The following UNC13C variants were observed in gnomAD, a reference collection of about 807,000 sequenced individuals.
The protein encoded by UNC13C is protein unc-13 homolog C.
UNC13C carries 174 observed loss-of-function variants against 245.4 expected under a neutral mutation model. That is an observed-to-expected ratio of 0.71 (90% CI 0.63 to 0.80). The LOEUF is 0.80. Ranked by LOEUF, UNC13C falls within the 30% of genes least tolerant of loss-of-function variation. The probability of loss-of-function intolerance (pLI) is 0.00; values close to 1 mark genes in which losing one functional copy is unlikely to be tolerated. For missense variants in UNC13C, 2,829 were observed against 2,602.9 expected (o/e 1.09, Z -1.89); for synonymous variants, 992 against 895.1 (o/e 1.11, Z -1.93).
rs143276415 is a variant in UNC13C at position 54,609,811 on chromosome 15, T to C, written c.6107-12516T>C. Among the ~76,000 whole-genome samples the C allele has an allele frequency of 5.9e-5, 9 of 152,316 alleles. 1 individual carries two copies. In the East Asian group the frequency reaches 1.7e-3, roughly 29 times the overall value. ...GAAAAAAGGTTTAATTGACTTACAGTTCAGCATGGCTGGGGAGGCCTCAGG... is the reference window on the plus strand; with the variant it reads ...GAAAAAAGGTTTAATTGACTTACAGCTCAGCATGGCTGGGGAGGCCTCAGG... On this transcript the variant is annotated intron_variant, in intron 30 of 32. Transcript: ENST00000260323.
At chr15:53,960,195 C>G in the UNC13C span, among the ~76,000 whole-genome samples, 1 of 152,076 alleles carries the variant, frequency 6.6e-6, no homozygotes, top group South Asian at 2.1e-4. Flanking sequence ...GCTATTGTCA[C>G]CACAGGCAAT....
intron 20 of UNC13C, 78 bp from the exon 21 acceptor site, chr15:54,500,001 T>A (rs1894127736): frequency 9.2e-7 from 1 of 1,089,058 alleles, no homozygotes; most frequent in Non-Finnish European, 1.3e-6. Context: ...TACTCTCATA[T>A]GCAAAAAGAG....
intron 5 of UNC13C, 89 bp from the exon 6 acceptor site, chr15:54,236,340 TA>T: frequency 1.0e-6 from 1 of 987,702 alleles, no homozygotes; most frequent in Non-Finnish European, 1.6e-6. Context: ...TGTAAAGTGT[TA>T]GGCTAATTTA....
At chr15:54,601,946 G>C (rs1408890517) in intron 30 of UNC13C, among the ~76,000 whole-genome samples, 1 of 152,166 alleles carries the variant, frequency 6.6e-6, no homozygotes, top group Non-Finnish European at 1.5e-5. Flanking sequence ...TGCCCCATCT[G>C]AGAACAATGG....
upstream of UNC13C, among the ~76,000 whole-genome samples, chr15:53,976,477 C>CTTT (rs10682648): frequency 1.4e-3 from 88 of 62,772 alleles, 2 homozygotes; most frequent in East Asian, 0.02. Context: ...CTCTCTCTCT[C>CTTT]TTTTTTTTTT....
downstream of UNC13C, chr15:54,629,858 A>C (rs1321202764): frequency 6.6e-6 from 1 of 152,210 alleles, no homozygotes; most frequent in Non-Finnish European, 1.5e-5. Flanking sequence ...TATATATCAA[A>C]GCCTAATAGT....
intron 4 of UNC13C, among the ~76,000 whole-genome samples, chr15:54,174,314 A>G (rs557926125): frequency 5.9e-5 from 9 of 152,310 alleles, no homozygotes; most frequent in African/African-American, 2.2e-4. Context: ...GCAAAACAAA[A>G]ATAGTTTTCT....
At chr15:54,262,940 T>C (rs1186769826) in intron 8 of UNC13C, among the ~76,000 whole-genome samples, 2 of 152,192 alleles carry the variant, frequency 1.3e-5, no homozygotes. Flanking sequence ...TCATCTCTTG[T>C]CTTACTTTCT....
chr15:53,970,649 G>A, the UNC13C span, among the ~76,000 whole-genome samples: 1 of 152,058 alleles, frequency 6.6e-6, no homozygotes, highest in Admixed American at 6.5e-5. Flanking sequence ...TGGACACATG[G>A]GGGGAAACAA....
chr15:54,006,833 G>A (rs548878464), intron 1 of UNC13C, among the ~76,000 whole-genome samples: 2 of 152,216 alleles, frequency 1.3e-5, no homozygotes, highest in East Asian at 3.9e-4. Context: ...AGCTACTCTG[G>A]TTTTCTTCTT....
intron 17 of UNC13C, among the ~76,000 whole-genome samples, chr15:54,363,431 G>A (rs1056830726): frequency 6.6e-6 from 1 of 152,132 alleles, no homozygotes; most frequent in Admixed American, 6.5e-5. Flanking sequence ...TTTTTATCGA[G>A]GTGAATATGT....
intron 24 of UNC13C, among the ~76,000 whole-genome samples, chr15:54,517,742 G>C (rs1895042981): frequency 6.6e-6 from 1 of 152,122 alleles, no homozygotes. Flanking sequence ...TAATTACTAA[G>C]ATGCAGACCC....
chr15:54,189,130 G>A (rs1298041022), intron 4 of UNC13C, among the ~76,000 whole-genome samples: 1 of 152,112 alleles, frequency 6.6e-6, no homozygotes, highest in Non-Finnish European at 1.5e-5. Context: ...CCTATTATGA[G>A]TACTAGACAT....
chr15:54,048,048 G>T (rs182648365), intron 2 of UNC13C, among the ~76,000 whole-genome samples: 2 of 152,068 alleles, frequency 1.3e-5, no homozygotes, highest in South Asian at 4.1e-4. Flanking sequence ...GTACTTTTAC[G>T]TTAAATACAC....
intron 10 of UNC13C, among the ~76,000 whole-genome samples, chr15:54,276,472 C>T (rs999381405): frequency 1.3e-5 from 2 of 152,090 alleles, no homozygotes; most frequent in African/African-American, 4.8e-5. Flanking sequence ...ATCCTGACCA[C>T]CACCATCCTT....
chr15:54,079,623 G>A (rs980264742), intron 2 of UNC13C, among the ~76,000 whole-genome samples: 24 of 151,944 alleles, frequency 1.6e-4, no homozygotes, highest in African/African-American at 5.1e-4. Flanking sequence ...GAGCACTATT[G>A]GTGTATGAAA....
chr15:53,841,774 G>A, the UNC13C span, among the ~76,000 whole-genome samples: 3 of 152,248 alleles, frequency 2.0e-5, no homozygotes, highest in South Asian at 6.2e-4. Context: ...TGCACTACTT[G>A]CCAGAGAAAG....
chr15:54,008,935 T>A (rs914923483), intron 1 of UNC13C, among the ~76,000 whole-genome samples: 2 of 152,234 alleles, frequency 1.3e-5, no homozygotes, highest in Admixed American at 1.3e-4. Context: ...ATGCCTTTTT[T>A]AAAGAGTTTC....
chr15:54,183,971 G>GA (rs11419191), intron 4 of UNC13C, among the ~76,000 whole-genome samples: 12,972 of 148,592 alleles, frequency 0.087, 761 homozygotes, highest in African/African-American at 0.17. Flanking sequence ...AACCAGTTTT[G>GA]AAAAAAAAAA....
Sources: gnomAD v4.1 joint callset for allele counts (sites outside exome capture counted in the v4.1 genomes callset) on GRCh38, gnomAD v4.1.1 for gene constraint, MANE v1.5 for transcripts, NCBI Gene and HGNC (gene_info 2026-07-23, HGNC 2026-07-21) for gene names.